The following SARDH variants were observed in gnomAD, a reference collection of about 807,000 sequenced individuals.
The protein encoded by SARDH is sarcosine dehydrogenase, mitochondrial.
SARDH carries 95 observed loss-of-function variants against 109.1 expected under a neutral mutation model. The observed-to-expected ratio is 0.87, with a 90% confidence interval of 0.74 to 1.03. The LOEUF is 1.03. SARDH is among the 50% of genes least tolerant of loss of function. The probability of loss-of-function intolerance (pLI) is 0.00; values close to 1 mark genes in which losing one functional copy is unlikely to be tolerated. For synonymous variants in SARDH, 572 were observed against 534.8 expected, an observed-to-expected ratio of 1.07 and a Z score of -0.96; for missense variants, 1,267 against 1,287.8, an observed-to-expected ratio of 0.98 and a Z score of 0.25.
chr9:133,733,660 A>G (rs1256660416), intron 2 of SARDH, among the ~76,000 whole-genome samples, 183 bp downstream of exon 2: 1 of 152,174 alleles, frequency 6.6e-6, no homozygotes, highest in East Asian at 1.9e-4. Context: ...ACAGCTCTTC[A>G]GCGACTGGGA....
chr9:133,703,657 A>C (rs1255599296), intron 12 of SARDH: 1 of 150,484 alleles, frequency 6.6e-6, no homozygotes, highest in Non-Finnish European at 1.5e-5. Context: ...TCCTGCAGAC[A>C]ACCCCCCACC....
downstream of SARDH, among the ~76,000 whole-genome samples, chr9:133,660,641 G>C (rs1832401022): frequency 6.6e-6 from 1 of 152,042 alleles, no homozygotes; most frequent in South Asian, 2.1e-4. Flanking sequence ...CCTAGGCTTG[G>C]GTCTCCCTAT....
At chr9:133,674,492 TAAACCC>T (rs1830452350) in intron 17 of SARDH, among the ~76,000 whole-genome samples, 1 of 152,238 alleles carries the variant, frequency 6.6e-6, no homozygotes, top group Non-Finnish European at 1.5e-5. Flanking sequence ...AGGTTTTGTT[TAAACCC>T]TTTCCACATC....
chr9:133,671,943 C>T (rs956097031), intron 17 of SARDH, among the ~76,000 whole-genome samples: 5 of 152,220 alleles, frequency 3.3e-5, no homozygotes, highest in African/African-American at 1.2e-4. Context: ...TTGCTATCTG[C>T]AGACCTCAGG....
intron 1 of SARDH, among the ~76,000 whole-genome samples, chr9:133,734,661 G>A (rs1026653371): frequency 6.6e-6 from 1 of 152,204 alleles, no homozygotes; most frequent in Non-Finnish European, 1.5e-5. Context: ...GGCTGGCAGA[G>A]ATCCAAAGTG....
intron 17 of SARDH, among the ~76,000 whole-genome samples, chr9:133,680,945 T>C (rs1830675616): frequency 6.6e-6 from 1 of 152,220 alleles, no homozygotes; most frequent in South Asian, 2.1e-4. Flanking sequence ...CTGTCCCCGA[T>C]GGACCCCACG....
At chr9:133,731,918 AT>A (rs150620582) in intron 3 of SARDH, among the ~76,000 whole-genome samples, 5,086 of 152,160 alleles carry the variant, frequency 0.033, 295 homozygotes, top group African/African-American at 0.12. Flanking sequence ...AGAGGCCAAG[AT>A]CCTGTTTCAG....
At chr9:133,708,458 T>C in intron 10 of SARDH, 30 bp from the exon 11 acceptor site, 2 of 1,589,928 alleles carry the variant, frequency 1.3e-6, no homozygotes, top group Non-Finnish European at 1.7e-6. Flanking sequence ...GGGTCACTGC[T>C]TTGGGGATGG....
rs1209637789 is a variant in SARDH, at chr9:133,709,788, T to G, written c.1329-1360A>C. On this transcript the variant is annotated intron_variant, in intron 10 of 20. Coordinates refer to ENST00000439388, the MANE Select transcript of SARDH (RefSeq NM_001134707.2). This position sits in a 1 kb window ranked among gnomAD's most constrained non-coding sequence, Gnocchi z 4.2. ...CTGCCTTCTGCATGGGACCCAAGAT[T>G]AACTCTTTCACGCAGGGGGAAACTG... Among the ~76,000 whole-genome samples the G allele has an allele frequency of 1.3e-5, 2 of 152,110 alleles. No homozygotes were observed. Among genetic ancestry groups the G allele is most frequent in the African/African-American group, 2.4e-5 (1 of 41,402 alleles).
intron 16 of SARDH, 55 bp from the exon 17 acceptor site, chr9:133,685,341 G>A: frequency 1.3e-6 from 2 of 1,481,802 alleles, no homozygotes; most frequent in Non-Finnish European, 9.2e-7. Context: ...TGGGGCCTGG[G>A]CAGGAAAGGC....
chr9:133,692,782 A>G lies in SARDH; in HGVS notation c.1921+1476T>C, dbSNP rs1831147723. ...TGATGACTGTTGAGGGAACGAGCGA[A>G]GGAACGAGCTCATGGATCCATGAGG... On this transcript the variant is annotated intron_variant, in intron 15 of 20. Coordinates refer to ENST00000439388, the MANE Select transcript of SARDH (RefSeq NM_001134707.2). This position sits in a 1 kb window ranked among gnomAD's most constrained non-coding sequence, Gnocchi z 5.0. 6.6e-6 allele frequency among the ~76,000 whole-genome samples: 1 copy of G among 152,140 alleles called. No individual in the cohort carries two copies. The highest frequency in any genetic ancestry group is 6.5e-5 in the Admixed American group (1 of 15,284).
rs372631088 is a variant in SARDH, at chr9:133,708,439, C to G, written c.1329-11G>C. 21 of 1,605,378 alleles carry G rather than the reference C, an allele frequency of 1.3e-5. No individual in the cohort carries two copies. Among genetic ancestry groups the G allele is most frequent in the Non-Finnish European group, 1.8e-5 (21 of 1,176,814 alleles). On this transcript the variant is annotated splice_polypyrimidine_tract_variant and intron_variant, in intron 10 of 20. Transcript: ENST00000439388. Reference sequence around the variant, plus strand: ...GAGTGATGGAAGCGCCTGCCGCAGACAGGGGGACGGGTCACTGCTTTGGGG... The same window carrying G: ...GAGTGATGGAAGCGCCTGCCGCAGAGAGGGGGACGGGTCACTGCTTTGGGG...
At chr9:133,659,642 A>G (rs1347958355), downstream of SARDH, among the ~76,000 whole-genome samples, 1 of 152,116 alleles carries the variant, frequency 6.6e-6, no homozygotes, top group Non-Finnish European at 1.5e-5. Context: ...GCATCAGCTA[A>G]GCGGCTGCTG....
chr9:133,685,094 G>C (rs1830836494), intron 17 of SARDH, 99 bp downstream of exon 17: 1 of 1,029,950 alleles, frequency 9.7e-7, no homozygotes, highest in Non-Finnish European at 1.4e-6. Flanking sequence ...GGGAGGCAAA[G>C]GAACCTGCCC....
intron 1 of SARDH, among the ~76,000 whole-genome samples, chr9:133,736,541 G>A (rs1351225591): frequency 6.6e-6 from 1 of 152,112 alleles, no homozygotes; most frequent in Admixed American, 6.5e-5. Context: ...GATTATAGGT[G>A]CATGCCACCA....
Position 133,671,525 on chromosome 9 carries a change from C to G in SARDH, c.2326+10G>C. On this transcript the variant is annotated intron_variant, in intron 18 of 20. Transcript: ENST00000439388. The stretch of plus-strand genomic sequence containing the variant: ...GCCCCCGCCCCGTGCTGTCCAGACC[C>G]TGCACTCACCTTTCTCAATGCTCAG... The G allele has an allele frequency of 1.2e-6, 2 of 1,602,396 alleles. No individual in the cohort carries two copies. Among genetic ancestry groups the G allele is most frequent in the Non-Finnish European group, 1.7e-6 (2 of 1,174,836 alleles).
chr9:133,690,407 C>T lies in SARDH; in HGVS notation c.2042G>A (p.Gly681Asp), dbSNP rs1048284221. 3 of 1,613,084 alleles carry T rather than the reference C, an allele frequency of 1.9e-6. No homozygotes were observed. The African/African-American group carries it at 4.0e-5, about 22-fold the overall frequency. Residue 681 changes from glycine to aspartate, a missense_variant, in exon 16 of 21, where the codon GGT becomes GAT. Gly to Asp is a moderately conservative substitution (Grantham distance 94, BLOSUM62 -1). Coordinates refer to ENST00000439388, the MANE Select transcript of SARDH (RefSeq NM_001134707.2). ...GGCTGGGCCCTGGATACTGATCATA[C>T]CCAGGTCCTCGGAGCTGTCGATGAG... ...CQLIDSSEDL[G>D]MISIQGPASR...
chr9:133,695,545 G>A (rs1831253805), intron 14 of SARDH, among the ~76,000 whole-genome samples: 2 of 152,208 alleles, frequency 1.3e-5, no homozygotes, highest in Admixed American at 6.5e-5. Context: ...AAGACTCCCG[G>A]CCACCACCAG....
Position 133,666,246 on chromosome 9 carries a change from C to A in SARDH, c.2631+489G>T, listed in dbSNP as rs567188937. Among the ~76,000 whole-genome samples, 3 of 152,030 alleles carry A rather than the reference C, an allele frequency of 2.0e-5. No homozygotes were observed. Among genetic ancestry groups the A allele is most frequent in the Non-Finnish European group, 4.4e-5 (3 of 67,970 alleles). ...GGGTCTCTGAGTCTCTAGTCGGTCA[C>A]CCTGGGGGCCACCCCTGCACCCCAG... On this transcript the variant is annotated intron_variant, in intron 20 of 20. Transcript: ENST00000439388. This position sits in a 1 kb window ranked among gnomAD's most constrained non-coding sequence, Gnocchi z 5.2.
Sources: allele counts gnomAD v4.1 joint callset (sites outside exome capture counted in the v4.1 genomes callset), GRCh38; gene constraint gnomAD v4.1.1; non-coding constraint Gnocchi (gnomAD v3.1); transcripts MANE v1.5; gene names NCBI Gene and HGNC (gene_info 2026-07-23, HGNC 2026-07-21).